The following TMEM164 variants were observed in gnomAD, a reference collection of about 807,000 sequenced individuals.
TMEM164 encodes the protein transmembrane protein 164.
Under a neutral mutation model 18.8 loss-of-function variants are expected in TMEM164, and 4 were observed. The ratio of observed to expected loss-of-function variants is 0.21; its 90% confidence interval spans 0.10 to 0.49. TMEM164 has a LOEUF of 0.49. Ranked by LOEUF, TMEM164 falls within the 20% of genes least tolerant of loss-of-function variation. The pLI, the probability that TMEM164 is intolerant of heterozygous loss-of-function variation, is 0.98. For missense variants in TMEM164, 108 were observed against 239.9 expected, an observed-to-expected ratio of 0.45 and a Z score of 3.63; for synonymous variants, 86 against 101.7, an observed-to-expected ratio of 0.85 and a Z score of 0.93.
chrX:110,066,027 C>G (rs764500353), intron 2 of TMEM164, among the ~76,000 whole-genome samples: 3 of 111,978 alleles, frequency 2.7e-5, no homozygotes, highest in Non-Finnish European at 5.6e-5. Context: ...AAGGCACATT[C>G]TTGACAGATA....
At chrX:110,032,042 TTGA>T (rs1198901305) in intron 2 of TMEM164, among the ~76,000 whole-genome samples, 3 of 111,477 alleles carry the variant, frequency 2.7e-5, no homozygotes. Flanking sequence ...AAAATCCAGC[TTGA>T]TGGGGGAGAG....
intron 2 of TMEM164, among the ~76,000 whole-genome samples, chrX:110,055,590 C>T (rs777254185): frequency 1.8e-5 from 2 of 111,787 alleles, no homozygotes; most frequent in South Asian, 7.5e-4. Flanking sequence ...ATTATCTTCT[C>T]TGTAAATGAG....
At chrX:110,096,903 C>T (rs1274654421) in intron 3 of TMEM164, among the ~76,000 whole-genome samples, 1 of 112,095 alleles carries the variant, frequency 8.9e-6, no homozygotes, top group Non-Finnish European at 1.9e-5. Context: ...GATTGCGCTA[C>T]AGCACCTCAC....
At chrX:110,030,108 G>GTTTTTTTTTTT in intron 2 of TMEM164, among the ~76,000 whole-genome samples, 1 of 26,970 alleles carries the variant, frequency 3.7e-5, no homozygotes, top group Non-Finnish European at 6.3e-5. Context: ...TTCTCTGTCT[G>GTTTTTTTTTTT]TTTTTTTTTT....
At chrX:110,030,810 C>CA (rs58149863) in intron 2 of TMEM164, among the ~76,000 whole-genome samples, 31 of 68,607 alleles carry the variant, frequency 4.5e-4, no homozygotes, top group South Asian at 4.2e-3. Context: ...GACTCTGTCT[C>CA]AAAAAAAAAA....
chrX:110,084,413 G>A (rs5942623), intron 3 of TMEM164, among the ~76,000 whole-genome samples: 3,268 of 8,444 alleles, frequency 0.39, 627 homozygotes, highest in African/African-American at 0.61. Flanking sequence ...TATATATAGT[G>A]TATATATATA....
intron 4 of TMEM164, among the ~76,000 whole-genome samples, chrX:110,134,379 G>T: frequency 1.8e-5 from 2 of 110,019 alleles, no homozygotes; most frequent in Non-Finnish European, 3.8e-5. Flanking sequence ...GCAAAACTCT[G>T]TATCTACTAA....
rs1020948616 is a variant in TMEM164, at chrX:110,053,486, C to T, written c.391-13861C>T. On this transcript the variant is annotated intron_variant, in intron 2 of 6. Transcript: ENST00000372068. ...ATTTCTGTTTTAAACAATGAGAAAA[C>T]TGAGGCTTAAGGAGGTGTAAAAAAT... Among the ~76,000 whole-genome samples the T allele has an allele frequency of 2.7e-5, 3 of 111,757 alleles. No individual in the cohort carries two copies. In the Admixed American group the frequency reaches 2.8e-4, roughly 11 times the overall value.
At chrX:110,149,837 C>T (rs1371497090) in intron 5 of TMEM164, among the ~76,000 whole-genome samples, 1 of 111,913 alleles carries the variant, frequency 8.9e-6, no homozygotes, top group Non-Finnish European at 1.9e-5. Flanking sequence ...TCTTGTGGTT[C>T]GTGCCAAGTA....
chrX:110,101,554 T>C (rs1190579932), intron 3 of TMEM164, among the ~76,000 whole-genome samples: 4 of 109,999 alleles, frequency 3.6e-5, no homozygotes, highest in Non-Finnish European at 7.6e-5. Flanking sequence ...TTGACTTTTT[T>C]CAAAGACAAA....
intron 2 of TMEM164, among the ~76,000 whole-genome samples, chrX:110,010,757 T>C (rs1033102715): frequency 9.0e-6 from 1 of 111,589 alleles, no homozygotes; most frequent in Non-Finnish European, 1.9e-5. Context: ...TGTTAAATAG[T>C]GTGATTCAGA....
intron 2 of TMEM164, among the ~76,000 whole-genome samples, chrX:110,032,537 C>T (rs1393625786): frequency 2.7e-5 from 3 of 111,508 alleles, no homozygotes; most frequent in Non-Finnish European, 5.6e-5. Flanking sequence ...GAACTCAAAA[C>T]TCAGAGAATA....
chrX:110,082,997 G>A (rs1227224361), intron 3 of TMEM164, among the ~76,000 whole-genome samples: 1 of 111,005 alleles, frequency 9.0e-6, no homozygotes, highest in East Asian at 2.8e-4. Context: ...TATCACTTTT[G>A]CAGTAAATGT....
At chrX:110,076,100 A>C (rs1602577602) in intron 3 of TMEM164, among the ~76,000 whole-genome samples, 1 of 103,795 alleles carries the variant, frequency 9.6e-6, no homozygotes, top group Admixed American at 1.1e-4. Flanking sequence ...TATCTGGTCC[A>C]TGGCTTTTTT....
At chrX:110,025,484 C>T (rs1293171335) in intron 2 of TMEM164, among the ~76,000 whole-genome samples, 3 of 112,075 alleles carry the variant, frequency 2.7e-5, no homozygotes, top group African/African-American at 9.7e-5. Flanking sequence ...GCACCTCAAT[C>T]TGATTTTACC....
chrX:110,148,559 G>C (rs984958378), intron 5 of TMEM164, among the ~76,000 whole-genome samples: 1 of 109,314 alleles, frequency 9.1e-6, no homozygotes, highest in Non-Finnish European at 1.9e-5. Context: ...ACCCAGGCTG[G>C]AGTACAGTGG....
At chrX:110,112,645 G>T (rs1029461149) in intron 4 of TMEM164, among the ~76,000 whole-genome samples, 1 of 112,035 alleles carries the variant, frequency 8.9e-6, no homozygotes, top group East Asian at 2.8e-4. Context: ...AACTTATGAG[G>T]CAAGGTACTG....
chrX:110,076,554 A>G (rs1437415317), intron 3 of TMEM164, among the ~76,000 whole-genome samples: 1 of 110,766 alleles, frequency 9.0e-6, no homozygotes, highest in Non-Finnish European at 1.9e-5. Context: ...TCTAGACACA[A>G]CTTCAGCTTG....
chrX:110,142,942 G>A (rs752839240), intron 4 of TMEM164, among the ~76,000 whole-genome samples: 2 of 112,793 alleles, frequency 1.8e-5, no homozygotes, highest in African/African-American at 3.2e-5. Flanking sequence ...GTCAGCAGTT[G>A]GAGTCTGAGA....
Sources: gnomAD v4.1 joint callset for allele counts (sites outside exome capture counted in the v4.1 genomes callset) on GRCh38, gnomAD v4.1.1 for gene constraint, MANE v1.5 for transcripts, NCBI Gene and HGNC (gene_info 2026-07-23, HGNC 2026-07-21) for gene names.